The following LRRK2 variants were observed in gnomAD, a reference collection of about 807,000 sequenced individuals.
The protein encoded by LRRK2 is leucine-rich repeat serine/threonine-protein kinase 2.
A neutral mutation model predicts 302.6 loss-of-function variants in LRRK2; 203 were observed. That is an observed-to-expected ratio of 0.67 (90% confidence interval 0.60 to 0.75). The LOEUF is 0.75. Ranked by LOEUF, LRRK2 falls within the 30% of genes least tolerant of loss-of-function variation. LRRK2 has a pLI of 0.00. For synonymous variants in LRRK2, 1,066 were observed against 1,031.9 expected (o/e 1.03, Z -0.63); for missense variants, 2,830 against 2,951.0 (o/e 0.96, Z 0.95).
At chr12:40,235,563 C>A (rs1428271264) in intron 3 of LRRK2, 63 bp from the exon 4 acceptor site, 10 of 1,132,696 alleles carry the variant, frequency 8.8e-6, no homozygotes, top group Non-Finnish European at 1.3e-5. Context: ...AAAAAAAATG[C>A]AAATAAGCAA....
At position 40,235,676 on chromosome 12, in the gene LRRK2, T is replaced by G; in HGVS notation, c.398T>G (p.Val133Gly). The change falls in exon 4 of 51, where the codon GTG becomes GGG. Residue 133 changes from valine (V) to glycine (G), a missense_variant. Val to Gly is a moderately radical substitution (Grantham distance 109). This residue lies in a region of LRRK2 where 2,121 missense variants were observed against 2,148.0 expected (regional missense o/e 0.99). Coordinates refer to ENST00000298910, the MANE Select transcript of LRRK2 (RefSeq NM_198578.4). The part of the protein sequence containing the change: ...TVHNASVNLS[V>G]IGLKTLDLLL... Reference sequence around the variant, plus strand: ...CATAATGCCAGTGTAAACTTGTCAGTGATTGGACTGAAGACCTTAGATCTC... The same window carrying G: ...CATAATGCCAGTGTAAACTTGTCAGGGATTGGACTGAAGACCTTAGATCTC... 1 of 1,609,288 alleles carries G rather than the reference T, an allele frequency of 6.2e-7. No homozygotes were observed. Among genetic ancestry groups the G allele is most frequent in the Non-Finnish European group, 8.5e-7 (1 of 1,175,724 alleles).
intron 12 of LRRK2, among the ~76,000 whole-genome samples, chr12:40,258,609 A>G (rs758083080): frequency 6.6e-6 from 1 of 152,300 alleles, no homozygotes; most frequent in South Asian, 2.1e-4. Context: ...CTGCCCCTAC[A>G]GAACTCATGT....
chr12:40,298,915 T>G (rs949753924), intron 24 of LRRK2, among the ~76,000 whole-genome samples, 194 bp from the exon 25 acceptor site: 5 of 80,182 alleles, frequency 6.2e-5, no homozygotes, highest in Non-Finnish European at 1.3e-4. Flanking sequence ...ATATAATACT[T>G]ATTATATATA....
At chr12:40,306,091 T>C in intron 28 of LRRK2, 125 bp downstream of exon 28, 3 of 714,502 alleles carry the variant, frequency 4.2e-6, no homozygotes, top group Non-Finnish European at 6.9e-6. Context: ...GGCATTAATA[T>C]GCTGTGTGTC....
chr12:40,259,298 T>G (rs181171882), intron 12 of LRRK2, among the ~76,000 whole-genome samples, 182 bp from the exon 13 acceptor site: 1 of 152,350 alleles, frequency 6.6e-6, no homozygotes, highest in East Asian at 1.9e-4. Context: ...TTCTATCTTA[T>G]GAGTTCAAAG....
At chr12:40,237,055 T>C (rs563926119) in intron 4 of LRRK2, among the ~76,000 whole-genome samples, 1 of 152,222 alleles carries the variant, frequency 6.6e-6, no homozygotes, top group African/African-American at 2.4e-5. Flanking sequence ...ATAGGAAATG[T>C]TTGGTATAGT....
chr12:40,225,093 T>A lies in LRRK2; in HGVS notation c.-39T>A. Reference sequence around the variant, plus strand: ...TGCCGGTTCCCTGAGCAGCGGACGTTCATGCTGGGAGGGCGGCGGGTTGGA... The same window carrying A: ...TGCCGGTTCCCTGAGCAGCGGACGTACATGCTGGGAGGGCGGCGGGTTGGA... On this transcript the variant is annotated 5_prime_UTR_variant, in exon 1 of 51. Transcript: ENST00000298910. The A allele has an allele frequency of 6.2e-7, 1 of 1,612,094 alleles. No homozygotes were observed. The highest frequency in any genetic ancestry group is 8.5e-7 in the Non-Finnish European group (1 of 1,179,734).
At chr12:40,267,666 A>G (rs1026524640) in intron 14 of LRRK2, among the ~76,000 whole-genome samples, 1 of 152,152 alleles carries the variant, frequency 6.6e-6, no homozygotes, top group Non-Finnish European at 1.5e-5. Context: ...CCTTTCACTT[A>G]GCACTGATTA....
chr12:40,283,298 A>T (rs1016158742), intron 18 of LRRK2, among the ~76,000 whole-genome samples: 2 of 152,152 alleles, frequency 1.3e-5, no homozygotes, highest in African/African-American at 4.8e-5. Flanking sequence ...CTGAAAACAT[A>T]ACATTTAGAG....
intron 38 of LRRK2, among the ~76,000 whole-genome samples, chr12:40,324,234 A>AT (rs929824011): frequency 1.3e-5 from 2 of 152,054 alleles, no homozygotes; most frequent in African/African-American, 2.4e-5. Context: ...CTTTGTACAA[A>AT]TTTTTTTAAT....
Position 40,251,339 on chromosome 12 carries a change from G to A in LRRK2, c.1066G>A (p.Ala356Thr), listed in dbSNP as rs1188671321. The A allele has an allele frequency of 1.2e-6, 2 of 1,613,826 alleles. No homozygotes were observed. Among genetic ancestry groups the A allele is most frequent in the Admixed American group, 3.3e-5 (2 of 59,990 alleles). ...KLFWLEACYK[A>T]LTWHRKNKHV... ...GTTTTGGCTGGAAGCCTGTTACAAA[G>A]CATTAACGTGGCATAGAAAGAACAA... is the stretch of plus-strand genomic sequence containing the variant. Residue 356 changes from alanine (A) to threonine (T), a missense_variant, in exon 9 of 51, where the codon GCA (alanine) becomes ACA (threonine). Coordinates refer to ENST00000298910, the MANE Select transcript of LRRK2 (RefSeq NM_198578.4).
chr12:40,260,080 T>C (rs1942702808), intron 13 of LRRK2, among the ~76,000 whole-genome samples: 1 of 152,168 alleles, frequency 6.6e-6, no homozygotes, highest in Non-Finnish European at 1.5e-5. Context: ...CCACCTTTAA[T>C]TGTTACTGAC....
rs1369587105 is a variant in LRRK2, at chr12:40,306,555, C to T, written c.3959+589C>T. On this transcript the variant is annotated intron_variant, in intron 28 of 50. Transcript: ENST00000298910. ...TCCTTTTTGTTCCCTTTCAGCACAT[C>T]GGTCTTATTACTTTCTCATAAAATC... Among the ~76,000 whole-genome samples the T allele has an allele frequency of 4.6e-5, 7 of 152,206 alleles. No individual in the cohort carries two copies. The South Asian group carries it at 6.2e-4, about 14-fold the overall frequency.
At chr12:40,232,237 T>A (rs1941236433) in intron 2 of LRRK2, 37 bp from the exon 3 acceptor site, 34 of 1,455,400 alleles carry the variant, frequency 2.3e-5, no homozygotes, top group Non-Finnish European at 3.2e-5. Context: ...ATTAACATTC[T>A]TTAAAACATG....
intron 40 of LRRK2, 129 bp downstream of exon 40, chr12:40,335,286 T>C: frequency 9.6e-7 from 1 of 1,038,396 alleles, no homozygotes; most frequent in Non-Finnish European, 1.5e-6. Context: ...GGATGAAAAC[T>C]ACCATTTCCC....
chr12:40,327,492 A>G (rs183209556), intron 38 of LRRK2, among the ~76,000 whole-genome samples: 1 of 152,322 alleles, frequency 6.6e-6, no homozygotes, highest in East Asian at 1.9e-4. Context: ...GGGCAGGGAA[A>G]GCTACTGAAC....
In LRRK2 at chr12:40,251,485, A is replaced by G. The variant is rs1555176152; in HGVS notation, c.1122A>G (p.Leu374=). 6.2e-7 allele frequency: 1 copy of G among 1,612,308 alleles called. No individual in the cohort carries two copies. The highest frequency in any genetic ancestry group is 8.5e-7 in the Non-Finnish European group (1 of 1,178,978). ...TCCAGGAGGCCGCATGCTGGGCACT[A>G]AATAATCTCCTTATGTACCAAAACA... ...KHVQEAACWA[L]NNLLMYQNSL... is the part of the protein sequence containing the mutation. The change falls in exon 10 of 51, where the codon CTA becomes CTG. Residue 374 remains leucine, a synonymous_variant. Transcript: ENST00000298910.
At chr12:40,252,534 CAAAG>C (rs1942319025) in intron 10 of LRRK2, among the ~76,000 whole-genome samples, 1 of 151,970 alleles carries the variant, frequency 6.6e-6, no homozygotes, top group Non-Finnish European at 1.5e-5. Context: ...ATTATTAAAA[CAAAG>C]AAAATATATT....
chr12:40,258,837 T>C (rs953776518), intron 12 of LRRK2, among the ~76,000 whole-genome samples: 2 of 152,250 alleles, frequency 1.3e-5, no homozygotes. Flanking sequence ...AGTGAGAACA[T>C]GGTTCTGATA....
Sources: allele counts gnomAD v4.1 joint callset (sites outside exome capture counted in the v4.1 genomes callset), GRCh38; gene constraint gnomAD v4.1.1; regional missense constraint gnomAD v4.1.1; transcripts MANE v1.5; gene names NCBI Gene and HGNC (gene_info 2026-07-23, HGNC 2026-07-21).